The following LPP variants were observed in gnomAD, a reference collection of about 807,000 sequenced individuals.
LPP encodes the protein lipoma-preferred partner.
In LPP, 38 loss-of-function variants were observed where a neutral mutation model predicts 60.4. The observed-to-expected ratio is 0.63, with a 90% CI of 0.49 to 0.83. The LOEUF (loss-of-function observed/expected upper bound fraction) is 0.83, where lower values mean the gene tolerates loss of function less well. Ranked by LOEUF, LPP falls within the 40% of genes least tolerant of loss-of-function variation. LPP has a pLI of 0.00. For synonymous variants in LPP, 328 were observed against 290.8 expected (o/e 1.13, Z -1.30); for missense variants, 902 against 783.6 (o/e 1.15, Z -1.80).
At chr3:188,831,002 G>A (rs1043843761) in intron 9 of LPP, among the ~76,000 whole-genome samples, 1 of 152,140 alleles carries the variant, frequency 6.6e-6, no homozygotes, top group Non-Finnish European at 1.5e-5. Context: ...GTGCTCAATA[G>A]ACTTCTGGAT....
chr3:188,503,667 T>G (rs185201528), intron 5 of LPP, among the ~76,000 whole-genome samples: 3 of 152,092 alleles, frequency 2.0e-5, no homozygotes, highest in African/African-American at 7.2e-5. Flanking sequence ...GACTGGCATT[T>G]TGATTTTCTT....
intron 6 of LPP, among the ~76,000 whole-genome samples, chr3:188,547,750 C>T (rs1827041726): frequency 6.6e-6 from 1 of 152,130 alleles, no homozygotes; most frequent in Non-Finnish European, 1.5e-5. Flanking sequence ...AATCCTAGTA[C>T]ATTTTTAGTA....
At chr3:188,534,301 T>C (rs1822983103) in intron 6 of LPP, among the ~76,000 whole-genome samples, 1 of 152,242 alleles carries the variant, frequency 6.6e-6, no homozygotes, top group Non-Finnish European at 1.5e-5. Context: ...AAGATGATTA[T>C]GTTACATTAC....
intron 6 of LPP, among the ~76,000 whole-genome samples, chr3:188,538,472 A>G (rs1560536186): frequency 6.6e-6 from 1 of 152,218 alleles, no homozygotes; most frequent in Non-Finnish European, 1.5e-5. Context: ...AAGGAAATGC[A>G]AGTCAAACCA....
chr3:188,524,556 G>T, intron 5 of LPP, 109 bp from the exon 6 acceptor site: 1 of 1,058,334 alleles, frequency 9.4e-7, no homozygotes, highest in Non-Finnish European at 1.3e-6. Flanking sequence ...AAAAAAAAAA[G>T]AGGTGCAGAA....
chr3:188,530,437 G>A (rs2150264108), intron 6 of LPP, among the ~76,000 whole-genome samples: 1 of 152,350 alleles, frequency 6.6e-6, no homozygotes, highest in South Asian at 2.1e-4. Flanking sequence ...GTTCAGAGGT[G>A]ATCCTGGAGT....
rs1049985593 is a variant in LPP, at chr3:188,887,166, T to C, written c.*12687T>C. On this transcript the variant is annotated 3_prime_UTR_variant, in exon 12 of 12. Transcript: ENST00000617246. ...AGAGAGTAAATATGAAGTCTGAATG[T>C]CGTTCCTCACCCCCAAATTGTTTAA... 1.3e-5 allele frequency: 3 copies of C among 226,998 alleles called. No homozygotes were observed. Among genetic ancestry groups the C allele is most frequent in the South Asian group, 1.8e-4 (1 of 5,454 alleles). The allele number at this position is 226,998 out of a possible 1,614,324, so 14.1% of individuals were successfully genotyped here. A position where few individuals can be genotyped will look rare whatever the true frequency, so the allele number is the denominator to read the frequency against.
intron 7 of LPP, among the ~76,000 whole-genome samples, chr3:188,634,180 C>A (rs1260285005): frequency 1.3e-5 from 2 of 152,200 alleles, no homozygotes; most frequent in Non-Finnish European, 2.9e-5. Flanking sequence ...CTCAGCGATT[C>A]AAATGACCAC....
intron 3 of LPP, among the ~76,000 whole-genome samples, chr3:188,357,121 A>G (rs1560290667): frequency 6.6e-6 from 1 of 152,200 alleles, no homozygotes; most frequent in Non-Finnish European, 1.5e-5. Flanking sequence ...AAAAGTTGTG[A>G]TTTACAAACC....
chr3:188,246,699 A>G (rs1345306165), intron 2 of LPP, among the ~76,000 whole-genome samples: 1 of 152,196 alleles, frequency 6.6e-6, no homozygotes, highest in Middle Eastern at 3.2e-3. Flanking sequence ...TCTGACATAG[A>G]TGAGACACAA....
intron 1 of LPP, among the ~76,000 whole-genome samples, chr3:188,196,460 G>A (rs111529511): frequency 6.6e-6 from 1 of 152,064 alleles, no homozygotes; most frequent in Non-Finnish European, 1.5e-5. Context: ...AGTCAACCAC[G>A]GTAACACGTC....
chr3:188,435,201 T>C (rs986866599), intron 4 of LPP, among the ~76,000 whole-genome samples: 5 of 152,148 alleles, frequency 3.3e-5, no homozygotes, highest in Non-Finnish European at 7.4e-5. Flanking sequence ...AAGGAAAATA[T>C]TGATAATAAT....
chr3:188,338,924 C>A (rs1762363215), intron 2 of LPP, among the ~76,000 whole-genome samples: 1 of 152,164 alleles, frequency 6.6e-6, no homozygotes, highest in Non-Finnish European at 1.5e-5. Context: ...AAACCCATTG[C>A]AGCTGATCTC....
In LPP at chr3:188,223,051, C is replaced by T. The variant is rs199565319; in HGVS notation, c.-189-2354C>T. On this transcript the variant is annotated intron_variant, in intron 1 of 11. Coordinates refer to ENST00000617246, the MANE Select transcript of LPP (RefSeq NM_001375462.1). ...ATAATGTGTCTCATCTTGAATTTGT[C>T]GCTGACCAGGGAAAATACTCAAGGC... is the stretch of plus-strand genomic sequence containing the variant. 2.6e-5 allele frequency among the ~76,000 whole-genome samples: 4 copies of T among 152,140 alleles called. No individual in the cohort carries two copies. In the East Asian group the frequency reaches 7.7e-4, roughly 29 times the overall value.
chr3:188,570,090 T>G (rs1833176576), intron 6 of LPP, among the ~76,000 whole-genome samples: 1 of 151,872 alleles, frequency 6.6e-6, no homozygotes, highest in Admixed American at 6.6e-5. Flanking sequence ...TAACATTGTT[T>G]GACCATATCA....
At chr3:188,463,360 A>T (rs201318898) in intron 4 of LPP, among the ~76,000 whole-genome samples, 157 of 7,986 alleles carry the variant, frequency 0.02, 1 homozygote, top group African/African-American at 0.084. Flanking sequence ...TGACTAATTT[A>T]AAAAAAAAAA....
chr3:188,351,585 A>G (rs896164963), intron 3 of LPP, among the ~76,000 whole-genome samples: 1 of 152,200 alleles, frequency 6.6e-6, no homozygotes, highest in Non-Finnish European at 1.5e-5. Flanking sequence ...GCCTTGTGAC[A>G]GGTGTTTTCA....
At chr3:188,872,132 G>A (rs189950236) in intron 10 of LPP, among the ~76,000 whole-genome samples, 7 of 152,256 alleles carry the variant, frequency 4.6e-5, no homozygotes, top group African/African-American at 4.8e-5. Flanking sequence ...GAAAAGCTAT[G>A]TATTTGAGTC....
chr3:188,557,896 A>C (rs1427039681), intron 6 of LPP, among the ~76,000 whole-genome samples: 1 of 152,114 alleles, frequency 6.6e-6, no homozygotes, highest in Admixed American at 6.6e-5. Context: ...GTTATAAATC[A>C]TCAAGCAGGT....
Sources: allele counts gnomAD v4.1 joint callset (sites outside exome capture counted in the v4.1 genomes callset), GRCh38; gene constraint gnomAD v4.1.1; transcripts MANE v1.5; gene names NCBI Gene and HGNC (gene_info 2026-07-23, HGNC 2026-07-21).